Variants in CROCC2 observed in about 807,000 individuals in gnomAD.
CROCC2 encodes the protein ciliary rootlet coiled-coil protein 2.
A neutral mutation model predicts 177.6 loss-of-function variants in CROCC2; 163 were observed. The ratio of observed to expected loss-of-function variants is 0.92; its 90% confidence interval spans 0.81 to 1.05. CROCC2 has a LOEUF of 1.05. CROCC2 is among the 50% of genes least tolerant of loss of function. The probability of loss-of-function intolerance (pLI) is 0.00; values close to 1 mark genes in which losing one functional copy is unlikely to be tolerated. For synonymous variants in CROCC2, 904 were observed against 787.3 expected (o/e 1.15, Z -2.48); for missense variants, 1,929 against 1,797.8 (o/e 1.07, Z -1.32).
Position 240,949,644 on chromosome 2 carries a change from C to T in CROCC2, c.2594C>T (p.Ala865Val), listed in dbSNP as rs1332091113. The T allele has an allele frequency of 6.5e-7, 1 of 1,549,928 alleles. No individual in the cohort carries two copies. Among genetic ancestry groups the T allele is most frequent in the Non-Finnish European group, 8.7e-7 (1 of 1,146,856 alleles). ...CAGCAGGAGCGGGAGGCACAGCGGG[C>T]CCTGGAGAGCCAGGCGTTGGCCCAC... Reference protein sequence around the residue: ...VAQQEREAQRALESQALAHRE... With the variant: ...VAQQEREAQRVLESQALAHRE... The change falls in exon 17 of 32, where the codon GCC (alanine) becomes GTC (valine). Residue 865 changes from alanine (A) to valine (V), a missense_variant. Coordinates refer to ENST00000690015, the MANE Select transcript of CROCC2 (RefSeq NM_001351305.2). The surrounding 1 kb of genome is among the most constrained non-coding windows in gnomAD (Gnocchi z 4.5).
intron 28 of CROCC2, among the ~76,000 whole-genome samples, chr2:240,986,377 C>A (rs1227000935): frequency 3.9e-5 from 6 of 152,158 alleles, no homozygotes; most frequent in African/African-American, 1.4e-4. Flanking sequence ...GCCCCTTGAC[C>A]CCAGAGCCCC....
At chr2:240,964,034 C>T (rs1237073769) in intron 21 of CROCC2, 2 of 579,700 alleles carry the variant, frequency 3.5e-6, no homozygotes, top group African/African-American at 3.7e-5. Flanking sequence ...CAAGATAGGT[C>T]ACAGGTGGCC....
chr2:240,931,921 G>T (rs1305905116), intron 7 of CROCC2, among the ~76,000 whole-genome samples: 2 of 152,264 alleles, frequency 1.3e-5, no homozygotes, highest in African/African-American at 4.8e-5. Context: ...TAGGAAGAAG[G>T]TGCATCCTGG....
chr2:240,985,759 ACACACACCCAGGCACTCAG>A (rs2059836883), intron 28 of CROCC2: 7 of 308,822 alleles, frequency 2.3e-5, no homozygotes, highest in African/African-American at 5.1e-5. Context: ...CACTCACTCC[ACACACACCCAGGCACTCAG>A]CACACACCCA....
intron 20 of CROCC2, chr2:240,959,699 A>C (rs573603137): frequency 5.9e-4 from 230 of 390,914 alleles, no homozygotes; most frequent in Non-Finnish European, 6.4e-4. Context: ...CCATTGGCTA[A>C]GGGAAGCTGA....
chr2:240,983,380 T>G (rs898220746), intron 28 of CROCC2: 5 of 1,292,104 alleles, frequency 3.9e-6, no homozygotes, highest in Non-Finnish European at 5.0e-6. Context: ...TCTCAGAAAC[T>G]CGGGCCCTCC....
chr2:240,920,257 CAG>C (rs1160448556), intron 3 of CROCC2, 123 bp downstream of exon 3: 10 of 583,282 alleles, frequency 1.7e-5, no homozygotes, highest in South Asian at 1.2e-4. Flanking sequence ...CTCGGAAAGA[CAG>C]AGTGTCAGCC....
At chr2:240,979,500 A>T (rs374624519) in intron 27 of CROCC2, among the ~76,000 whole-genome samples, 44 of 63,284 alleles carry the variant, frequency 7.0e-4, no homozygotes, top group East Asian at 3.8e-3. Flanking sequence ...TAGGAGCCTC[A>T]GGAGCCCAGG....
chr2:240,966,174 T>C (rs13395609), intron 24 of CROCC2, 51 bp from the exon 25 acceptor site: 223,834 of 1,202,288 alleles, frequency 0.19, 22,091 homozygotes, highest in African/African-American at 0.28. Context: ...GAAGGGCGTG[T>C]ATCTGTCACT....
Position 240,955,859 on chromosome 2 carries a change from G to A in CROCC2, c.2830G>A (p.Ala944Thr), listed in dbSNP as rs1273524639. 2 of 1,534,294 alleles carry A rather than the reference G, an allele frequency of 1.3e-6. No individual in the cohort carries two copies. The highest frequency in any genetic ancestry group is 1.4e-5 in the African/African-American group (1 of 73,096). ...LLQLEHKMQQ[A>T]LSLKETERSL... ...CACAAGCATACCCCGTCCTGTTCAG[G>A]CCCTGTCCCTGAAAGAAACAGAGCG... The change falls in exon 19 of 32, where the codon GCC (alanine) becomes ACC (threonine). Residue 944 changes from alanine to threonine, a missense_variant and splice_region_variant. Around this residue, in one of 3 missense-constraint regions of CROCC2, gnomAD observed 1,397 missense variants for 1,239.9 expected, o/e 1.13. Transcript: ENST00000690015.
chr2:240,951,626 A>G (rs948302525), intron 18 of CROCC2, among the ~76,000 whole-genome samples: 5 of 151,378 alleles, frequency 3.3e-5, no homozygotes, highest in African/African-American at 7.3e-5. Flanking sequence ...CTATCCATCC[A>G]ACTATCCATG....
intron 12 of CROCC2, among the ~76,000 whole-genome samples, 172 bp downstream of exon 12, chr2:240,934,647 C>T (rs931112049): frequency 6.6e-6 from 1 of 152,190 alleles, no homozygotes; most frequent in Admixed American, 6.5e-5. Flanking sequence ...TAGGCACCAG[C>T]CTGGCCCAGC....
intron 27 of CROCC2, among the ~76,000 whole-genome samples, chr2:240,968,688 G>T (rs1009614546): frequency 1.3e-5 from 2 of 152,248 alleles, no homozygotes; most frequent in Non-Finnish European, 2.9e-5. Flanking sequence ...CCTGCTCCAA[G>T]ACCACTTTTC....
At chr2:240,993,041 C>A (rs887677784) in intron 31 of CROCC2, 25 bp from the exon 32 acceptor site, 1 of 716,524 alleles carries the variant, frequency 1.4e-6, no homozygotes, top group Non-Finnish European at 2.6e-6. Context: ...GCGGTGTCCA[C>A]GCCTCCCTCT....
At chr2:240,962,257 A>G (rs1383243384) in intron 20 of CROCC2, among the ~76,000 whole-genome samples, 5 of 151,308 alleles carry the variant, frequency 3.3e-5, no homozygotes, top group African/African-American at 9.7e-5. Context: ...AATTCCTGTA[A>G]AAGGGATGGC....
intron 1 of CROCC2, among the ~76,000 whole-genome samples, chr2:240,906,906 C>T (rs13033585): frequency 0.4 from 60,039 of 151,496 alleles, 12,776 homozygotes; most frequent in Admixed American, 0.47. Flanking sequence ...AGAGAGAGCC[C>T]GGGGCCGCTG....
chr2:240,966,019 G>A (rs554427085), intron 24 of CROCC2, 26 bp downstream of exon 24: 51 of 1,328,410 alleles, frequency 3.8e-5, no homozygotes, highest in South Asian at 1.7e-4. Context: ...GGAGGCAGGC[G>A]GGCCCCTCTC....
At position 240,966,250 on chromosome 2, in the gene CROCC2, T is replaced by A; in HGVS notation, c.3987T>A (p.Pro1329=). 1.5e-6 allele frequency: 1 copy of A among 686,332 alleles called. No homozygotes were observed. The highest frequency in any genetic ancestry group is 2.1e-6 in the Non-Finnish European group (1 of 486,778). The allele number at this position is 686,332 out of a possible 1,614,324, so 42.5% of individuals were successfully genotyped here. A position where few individuals can be genotyped will look rare whatever the true frequency, so the allele number is the denominator to read the frequency against. Residue 1329 remains proline (P), a synonymous_variant, in exon 25 of 32, where the codon CCT becomes CCA. Coordinates refer to ENST00000690015, the MANE Select transcript of CROCC2 (RefSeq NM_001351305.2). ...TKGSDSSQAL[P]GQQGTSPPAR... is the part of the protein sequence containing the mutation. ...GCTCCGACAGCTCCCAGGCTCTCCC[T>A]GGGCAACAGGGTACCAGCCCCCCAG...
intron 4 of CROCC2, among the ~76,000 whole-genome samples, chr2:240,925,442 G>C (rs1366325992): frequency 6.6e-6 from 1 of 152,236 alleles, no homozygotes; most frequent in African/African-American, 2.4e-5. Context: ...AGGTTGCAGA[G>C]CCAGAGCCAG....
Sources: allele counts gnomAD v4.1 joint callset (sites outside exome capture counted in the v4.1 genomes callset), GRCh38; gene constraint gnomAD v4.1.1; regional missense constraint gnomAD v4.1.1; non-coding constraint Gnocchi (gnomAD v3.1); transcripts MANE v1.5; gene names NCBI Gene and HGNC (gene_info 2026-07-23, HGNC 2026-07-21).